Variants in ABI2 observed in about 807,000 individuals in gnomAD.
ABI2 encodes the protein abl interactor 2.
ABI2 carries 25 observed loss-of-function variants against 59.2 expected under a neutral mutation model. The ratio of observed to expected loss-of-function variants is 0.42; its 90% confidence interval spans 0.31 to 0.59. The LOEUF (loss-of-function observed/expected upper bound fraction) is 0.59, where lower values mean the gene tolerates loss of function less well. ABI2 is among the 20% of genes least tolerant of loss of function. The pLI is 0.14. For missense variants in ABI2, 545 were observed against 681.8 expected (o/e 0.80, Z 2.23); for synonymous variants, 213 against 235.5 (o/e 0.90, Z 0.87).
At chr2:203,395,082 C>T in intron 6 of ABI2, 2 of 711,600 alleles carry the variant, frequency 2.8e-6, no homozygotes, top group South Asian at 3.0e-5. Flanking sequence ...TTTAAGAGTT[C>T]AGTTGATCTG....
intron 6 of ABI2, among the ~76,000 whole-genome samples, chr2:203,395,432 A>AATATATATATATATATATATAT: frequency 8.8e-6 from 1 of 113,326 alleles, no homozygotes; most frequent in African/African-American, 3.1e-5. Context: ...TTAATAAGTA[A>AATATATATATATATATATATAT]ATATATATAT....
rs943110280 is a variant in ABI2, at chr2:203,339,580, C to CA, written c.117+10966dup. ...TGGGCAACAGAGCAAGACTCCGTCT[C>CA]AAAAAAAAAAAAAAAAAGAAAAAGA... is the stretch of plus-strand genomic sequence containing the variant. On this transcript the variant is annotated intron_variant, in intron 1 of 11. Transcript: ENST00000261018. Among the ~76,000 whole-genome samples the CA allele has an allele frequency of 9.0e-3, 531 of 58,692 alleles. 5 individuals carry two copies. Among genetic ancestry groups the CA allele is most frequent in the Middle Eastern group, 0.022 (2 of 92 alleles). 38.5% of individuals were successfully genotyped at this position (58,692 alleles called of 152,430 possible).
At chr2:203,355,170 G>A in intron 1 of ABI2, 1 of 412,598 alleles carries the variant, frequency 2.4e-6, no homozygotes, top group Non-Finnish European at 5.0e-6. Context: ...CGTTTTGACA[G>A]TGCATATCCT....
At chr2:203,367,678 T>C (rs908823915) in intron 2 of ABI2, among the ~76,000 whole-genome samples, 1 of 152,124 alleles carries the variant, frequency 6.6e-6, no homozygotes, top group Non-Finnish European at 1.5e-5. Context: ...TTTTGGTATA[T>C]CTCCTTGTAA....
chr2:203,426,684 G>A (rs2098434155), intron 11 of ABI2, among the ~76,000 whole-genome samples: 1 of 150,742 alleles, frequency 6.6e-6, no homozygotes, highest in African/African-American at 2.4e-5. Context: ...GAGAGAGTGA[G>A]AAAGGAGACA....
chr2:203,415,571 C>G (rs1214752136), intron 10 of ABI2, among the ~76,000 whole-genome samples: 2 of 129,324 alleles, frequency 1.5e-5, no homozygotes, highest in East Asian at 2.4e-4. Flanking sequence ...GAGCCGAGAT[C>G]ACACCACTGC....
intron 2 of ABI2, among the ~76,000 whole-genome samples, chr2:203,376,650 G>C (rs1306785911): frequency 6.6e-6 from 1 of 151,082 alleles, no homozygotes; most frequent in Non-Finnish European, 1.5e-5. Context: ...TGGAGGCTTA[G>C]TGCCAATTTT....
In ABI2 at chr2:203,393,876, T is replaced by A. The variant is rs540152725; in HGVS notation, c.579-824T>A. Among the ~76,000 whole-genome samples the A allele has an allele frequency of 2.6e-5, 4 of 151,724 alleles. No individual in the cohort carries two copies. In the South Asian group the frequency reaches 8.3e-4, roughly 31 times the overall value. On this transcript the variant is annotated intron_variant, in intron 5 of 11. Transcript: ENST00000261018. ...AAATGAGAACTAATTTAATAAACAC[T>A]AATTTCCCCATGTGCATCCTGTTCC...
At chr2:203,426,452 A>G (rs1277346547) in intron 11 of ABI2, among the ~76,000 whole-genome samples, 1 of 152,226 alleles carries the variant, frequency 6.6e-6, no homozygotes, top group African/African-American at 2.4e-5. Flanking sequence ...TAATGACTCA[A>G]AGAGCCAAGT....
chr2:203,331,067 A>G (rs930009593), intron 1 of ABI2, among the ~76,000 whole-genome samples: 2 of 152,118 alleles, frequency 1.3e-5, no homozygotes, highest in African/African-American at 4.8e-5. Flanking sequence ...AAAATAGTTT[A>G]TTTCTTCAGT....
chr2:203,330,470 G>A (rs2072475217), intron 1 of ABI2, among the ~76,000 whole-genome samples: 1 of 151,854 alleles, frequency 6.6e-6, no homozygotes, highest in Non-Finnish European at 1.5e-5. Context: ...AGAACTGTGT[G>A]AGGGGTGGAT....
chr2:203,346,130 C>G (rs2083374078), intron 1 of ABI2, among the ~76,000 whole-genome samples: 1 of 148,894 alleles, frequency 6.7e-6, no homozygotes. Context: ...GTCTGGGTGA[C>G]AAGAGTGAAA....
chr2:203,371,737 A>G (rs1462898824), intron 2 of ABI2, among the ~76,000 whole-genome samples: 1 of 152,172 alleles, frequency 6.6e-6, no homozygotes, highest in African/African-American at 2.4e-5. Context: ...GAATACTTGT[A>G]CAGGTACACA....
chr2:203,335,931 G>A (rs2152399407), intron 1 of ABI2, among the ~76,000 whole-genome samples: 1 of 152,158 alleles, frequency 6.6e-6, no homozygotes, highest in South Asian at 2.1e-4. Context: ...AATTTTCCTT[G>A]TACCCTCTGT....
At chr2:203,388,503 C>T (rs528703405) in intron 4 of ABI2, among the ~76,000 whole-genome samples, 2 of 151,912 alleles carry the variant, frequency 1.3e-5, no homozygotes, top group East Asian at 3.9e-4. Context: ...GCCAACATGA[C>T]GAAACCCCAT....
chr2:203,399,987 T>G (rs2153432058), intron 8 of ABI2, among the ~76,000 whole-genome samples: 1 of 152,052 alleles, frequency 6.6e-6, no homozygotes, highest in East Asian at 1.9e-4. Context: ...AGTTTTTAGT[T>G]TCAGGTTTTA....
At chr2:203,343,362 A>G (rs1361205932) in intron 1 of ABI2, among the ~76,000 whole-genome samples, 1 of 152,242 alleles carries the variant, frequency 6.6e-6, no homozygotes, top group Non-Finnish European at 1.5e-5. Context: ...ACTATGTCTC[A>G]AAAAACATAA....
rs182901845 is a variant in ABI2 at position 203,423,527 on chromosome 2, G to A, written c.1454-3650G>A. ...TGCAACCTCCGCCTCCCAGGTTCAC[G>A]CCATTCTCCTGCCTCAGCCCCACGA... On this transcript the variant is annotated intron_variant, in intron 11 of 11. Transcript: ENST00000261018. Among the ~76,000 whole-genome samples, 113 of 152,284 alleles carry A rather than the reference G, an allele frequency of 7.4e-4. 1 individual carries two copies. Among genetic ancestry groups the A allele is most frequent in the Admixed American group, 5.1e-3 (78 of 15,300 alleles).
chr2:203,365,531 T>C (rs770172810), intron 1 of ABI2, among the ~76,000 whole-genome samples: 6 of 151,974 alleles, frequency 3.9e-5, no homozygotes, highest in Admixed American at 3.9e-4. Flanking sequence ...GAGGTGTTGG[T>C]ATTTTTTTTA....
Sources: gnomAD v4.1 joint callset for allele counts (sites outside exome capture counted in the v4.1 genomes callset) on GRCh38, gnomAD v4.1.1 for gene constraint, MANE v1.5 for transcripts, NCBI Gene and HGNC (gene_info 2026-07-23, HGNC 2026-07-21) for gene names.